GXYLT2: variants seen among roughly 807,000 people sequenced by gnomAD.
GXYLT2 encodes glucoside xylosyltransferase 2.
GXYLT2 carries 53 observed loss-of-function variants against 45.8 expected under a neutral mutation model. That is an observed-to-expected ratio of 1.16 (90% CI 0.93 to 1.46). The LOEUF is 1.46. Ranked by LOEUF, GXYLT2 falls within the 40% of genes most tolerant of loss-of-function variation. GXYLT2 has a pLI of 0.00. For synonymous variants in GXYLT2, 219 were observed against 214.2 expected (o/e 1.02, Z -0.19); for missense variants, 551 against 544.4 (o/e 1.01, Z -0.12).
intron 4 of GXYLT2, among the ~76,000 whole-genome samples, chr3:72,956,232 C>A (rs776552781): frequency 1.1e-4 from 17 of 151,722 alleles, no homozygotes; most frequent in Non-Finnish European, 2.2e-4. Flanking sequence ...CAGAGTGAGA[C>A]CCTGTCTCTA....
At chr3:72,968,932 G>A (rs906851624) in intron 6 of GXYLT2, among the ~76,000 whole-genome samples, 2 of 151,954 alleles carry the variant, frequency 1.3e-5, no homozygotes, top group South Asian at 2.1e-4. Flanking sequence ...GGTGCTGGGT[G>A]TGGTGGCGAG....
chr3:72,902,093 A>G (rs959543923), intron 1 of GXYLT2, among the ~76,000 whole-genome samples: 5 of 150,512 alleles, frequency 3.3e-5, no homozygotes, highest in African/African-American at 1.3e-4. Context: ...CAGTTGATGG[A>G]CATTTAAGTT....
In GXYLT2 at chr3:72,975,715, A is replaced by G. The variant is rs1575823211; in HGVS notation, c.*556A>G. 1 of 152,202 alleles carries G rather than the reference A, an allele frequency of 6.6e-6. No individual in the cohort carries two copies. Among genetic ancestry groups the G allele is most frequent in the East Asian group, 1.9e-4 (1 of 5,172 alleles). The allele number at this position is 152,202 out of a possible 1,614,324, so 9.4% of individuals were successfully genotyped here. On this transcript the variant is annotated 3_prime_UTR_variant, in exon 7 of 7. Coordinates refer to ENST00000389617, the MANE Select transcript of GXYLT2 (RefSeq NM_001080393.2). ...TACAACCTTTTTTCTCTACTTTTGC[A>G]TTTTCCACTCTAACACACATCTAAA...
At chr3:72,898,616 T>C (rs1009682779) in intron 1 of GXYLT2, among the ~76,000 whole-genome samples, 1 of 152,144 alleles carries the variant, frequency 6.6e-6, no homozygotes, top group African/African-American at 2.4e-5. Context: ...CAAAGGTCTG[T>C]TGTGGAGATC....
At chr3:72,955,943 T>G (rs867122223) in intron 4 of GXYLT2, among the ~76,000 whole-genome samples, 1 of 152,168 alleles carries the variant, frequency 6.6e-6, no homozygotes, top group South Asian at 2.1e-4. Context: ...CCAGGAATGA[T>G]GGCGCACACC....
Position 72,888,281 on chromosome 3 carries a change from C to CGCGCTGCTGCTG in GXYLT2, c.58_69dup (p.Leu20_Leu23dup), listed in dbSNP as rs1709104244. Reference sequence around the variant, plus strand: ...CGGCGCTGCTCTTGCTCGCGCTGGCCGCGCTGCTGCTGGCGCTGCTGTCCC... The same window carrying CGCGCTGCTGCTG: ...CGGCGCTGCTCTTGCTCGCGCTGGCCGCGCTGCTGCTGGCGCTGCTGCTGGCGCTGCTGTCCC... On this transcript the variant is annotated inframe_insertion, in exon 1 of 7. Transcript: ENST00000389617. The CGCGCTGCTGCTG allele has an allele frequency of 2.0e-6, 2 of 994,398 alleles. No individual in the cohort carries two copies. The highest frequency in any genetic ancestry group is 5.1e-4 in the Middle Eastern group (1 of 1,960). The allele number at this position is 994,398 out of a possible 1,614,324, so 61.6% of individuals were successfully genotyped here. A position where few individuals can be genotyped will look rare whatever the true frequency, so the allele number is the denominator to read the frequency against.
chr3:72,916,165 A>G (rs1312389352), intron 2 of GXYLT2, among the ~76,000 whole-genome samples: 1 of 150,312 alleles, frequency 6.7e-6, no homozygotes, highest in African/African-American at 2.5e-5. Flanking sequence ...AAGATCTAGT[A>G]TGTGTTTTGC....
In GXYLT2 at chr3:72,939,134, A is replaced by C. The variant is rs189613206; in HGVS notation, c.601-15964A>C. Among the ~76,000 whole-genome samples, 6 of 152,360 alleles carry C rather than the reference A, an allele frequency of 3.9e-5. No individual in the cohort carries two copies. In the East Asian group the frequency reaches 9.6e-4, roughly 24 times the overall value. ...CATTTTAAGGTAATAATTTAACAAA[A>C]TGAGCAATCTTAAAATCTCAGATTA... On this transcript the variant is annotated intron_variant, in intron 3 of 6. Coordinates refer to ENST00000389617, the MANE Select transcript of GXYLT2 (RefSeq NM_001080393.2).
chr3:72,959,648 T>C (rs1710731436), intron 5 of GXYLT2, among the ~76,000 whole-genome samples: 1 of 152,024 alleles, frequency 6.6e-6, no homozygotes. Flanking sequence ...TCTTTTTTTT[T>C]TCTTGAGATG....
At chr3:72,933,093 G>A (rs1710072462) in intron 3 of GXYLT2, among the ~76,000 whole-genome samples, 1 of 151,806 alleles carries the variant, frequency 6.6e-6, no homozygotes, top group Non-Finnish European at 1.5e-5. Context: ...CATAGAAAGT[G>A]TTAGATACTA....
chr3:72,908,294 C>A, intron 1 of GXYLT2, 73 bp from the exon 2 acceptor site: 2 of 1,026,280 alleles, frequency 1.9e-6, no homozygotes, highest in Non-Finnish European at 2.8e-6. Flanking sequence ...TCTAACCATT[C>A]ACTCGCCGGT....
rs1444085595 is a variant in GXYLT2, at chr3:72,941,317, C to T, written c.601-13781C>T. The stretch of plus-strand genomic sequence containing the variant: ...TATCCTCATCAGATGGATTCTGGCC[C>T]AGAATCCTCCTAGAGTCCCTGTTGC... On this transcript the variant is annotated intron_variant, in intron 3 of 6. Transcript: ENST00000389617. Among the ~76,000 whole-genome samples, 3 of 152,162 alleles carry T rather than the reference C, an allele frequency of 2.0e-5. No homozygotes were observed. The East Asian group carries it at 5.8e-4, about 29-fold the overall frequency.
rs1245962356 is a variant in GXYLT2, at chr3:72,922,219, G to A, written c.484G>A (p.Asp162Asn). The change falls in exon 3 of 7, where the codon GAC (aspartate) becomes AAC (asparagine). Residue 162 changes from aspartate to asparagine, a missense_variant. Physicochemically the swap from Asp to Asn is conservative, Grantham distance 23. Coordinates refer to ENST00000389617, the MANE Select transcript of GXYLT2 (RefSeq NM_001080393.2). ...EFDKQLRQWPDSYTKKFEHRI... is the reference protein window; with the variant it reads ...EFDKQLRQWPNSYTKKFEHRI... Reference sequence around the variant, plus strand: ...TGTTTTTCAGTTACGCCAGTGGCCTGACTCATATACAAAGAAGTTTGAGCA... The same window carrying A: ...TGTTTTTCAGTTACGCCAGTGGCCTAACTCATATACAAAGAAGTTTGAGCA... 6.2e-7 allele frequency: 1 copy of A among 1,613,200 alleles called. No homozygotes were observed. Among genetic ancestry groups the A allele is most frequent in the Non-Finnish European group, 8.5e-7 (1 of 1,179,560 alleles).
At chr3:72,959,588 C>T (rs2107146683) in intron 5 of GXYLT2, among the ~76,000 whole-genome samples, 1 of 152,136 alleles carries the variant, frequency 6.6e-6, no homozygotes, top group East Asian at 1.9e-4. Flanking sequence ...ATCCATTTCA[C>T]TGTGACAGTA....
chr3:72,905,558 T>C (rs1046695630), intron 1 of GXYLT2, among the ~76,000 whole-genome samples: 1 of 152,272 alleles, frequency 6.6e-6, no homozygotes, highest in Non-Finnish European at 1.5e-5. Context: ...TTTCCTATTT[T>C]TCATTTTCAA....
intron 3 of GXYLT2, chr3:72,927,119 G>A (rs952802756): frequency 1.3e-5 from 2 of 152,092 alleles, no homozygotes; most frequent in Non-Finnish European, 2.9e-5. Flanking sequence ...TAAAATTTTT[G>A]TAGAGACAAG....
At chr3:72,971,614 G>T (rs1710986196) in intron 6 of GXYLT2, among the ~76,000 whole-genome samples, 1 of 152,092 alleles carries the variant, frequency 6.6e-6, no homozygotes, top group South Asian at 2.1e-4. Context: ...TAGTCTTTAT[G>T]CTTTTAGTAC....
At chr3:72,924,994 A>C (rs1168536017) in intron 3 of GXYLT2, among the ~76,000 whole-genome samples, 2 of 152,002 alleles carry the variant, frequency 1.3e-5, no homozygotes, top group African/African-American at 4.8e-5. Context: ...ACTCAAGCAG[A>C]AGGAATCGTC....
intron 3 of GXYLT2, among the ~76,000 whole-genome samples, chr3:72,949,809 G>A (rs528117514): frequency 4.6e-5 from 7 of 151,800 alleles, no homozygotes; most frequent in African/African-American, 7.3e-5. Flanking sequence ...CACAGTGCCC[G>A]GCCTCATTCT....
Sources: gnomAD v4.1 joint callset for allele counts (sites outside exome capture counted in the v4.1 genomes callset) on GRCh38, gnomAD v4.1.1 for gene constraint, MANE v1.5 for transcripts, NCBI Gene and HGNC (gene_info 2026-07-23, HGNC 2026-07-21) for gene names.